Variants in GDA observed in about 807,000 individuals in gnomAD.
The protein encoded by GDA is guanine deaminase, also known as cytoplasmic PSD-95 interactor.
In GDA, 18 loss-of-function variants were observed where a neutral mutation model predicts 59.6. The observed-to-expected ratio is 0.30, with a 90% CI of 0.21 to 0.45. The LOEUF (loss-of-function observed/expected upper bound fraction) is 0.45. Among genes scored for constraint, GDA ranks in the 20% least tolerant of loss-of-function variants. The pLI is 1.00. For missense variants in GDA, 427 were observed against 552.3 expected (o/e 0.77, Z 2.27); for synonymous variants, 201 against 201.1 (o/e 1.00, Z 0.00).
chr9:72,181,516 G>A (rs898552397), intron 1 of GDA, among the ~76,000 whole-genome samples: 3 of 152,172 alleles, frequency 2.0e-5, no homozygotes, highest in African/African-American at 4.8e-5. Flanking sequence ...GTAGAGACGG[G>A]GTTTCACCAT....
chr9:72,121,115 C>T (rs1398787259), intron 1 of GDA, among the ~76,000 whole-genome samples: 2 of 152,124 alleles, frequency 1.3e-5, no homozygotes, highest in African/African-American at 4.8e-5. Flanking sequence ...GCATTTAGTT[C>T]GTACCAAACA....
intron 1 of GDA, among the ~76,000 whole-genome samples, chr9:72,167,196 T>G (rs749743726): frequency 6.6e-5 from 10 of 152,228 alleles, no homozygotes; most frequent in Non-Finnish European, 8.8e-5. Context: ...AACCAGATAT[T>G]GCATCCAGAC....
chr9:72,241,877 G>C (rs1839649837), intron 11 of GDA, among the ~76,000 whole-genome samples: 1 of 152,172 alleles, frequency 6.6e-6, no homozygotes, highest in Non-Finnish European at 1.5e-5. Flanking sequence ...GTGGGCAACA[G>C]AGTGAGACCT....
chr9:72,198,023 A>C (rs1221467534), intron 2 of GDA, among the ~76,000 whole-genome samples: 1 of 152,226 alleles, frequency 6.6e-6, no homozygotes, highest in Admixed American at 6.5e-5. Context: ...CCTCAGGCAC[A>C]AAATTTAAAA....
At chr9:72,185,390 G>A (rs992829380) in intron 1 of GDA, among the ~76,000 whole-genome samples, 3 of 152,164 alleles carry the variant, frequency 2.0e-5, no homozygotes, top group Non-Finnish European at 4.4e-5. Flanking sequence ...AGTCCCTCAT[G>A]CCTCATGCTA....
intron 3 of GDA, among the ~76,000 whole-genome samples, chr9:72,208,307 C>T (rs1250011031): frequency 6.6e-6 from 1 of 152,182 alleles, no homozygotes; most frequent in Non-Finnish European, 1.5e-5. Context: ...AAGCAACCTT[C>T]TCAAGGTCAC....
chr9:72,233,467 A>G (rs1838592604), intron 10 of GDA, among the ~76,000 whole-genome samples: 1 of 152,202 alleles, frequency 6.6e-6, no homozygotes, highest in Non-Finnish European at 1.5e-5. Context: ...GAAAACTGAA[A>G]AAAATCAGAT....
intron 1 of GDA, among the ~76,000 whole-genome samples, chr9:72,135,852 T>C (rs4434678): frequency 0.59 from 89,601 of 151,472 alleles, 27,012 homozygotes; most frequent in Middle Eastern, 0.65. Context: ...GTCAGGTGAT[T>C]GACCCTCCTT....
At chr9:72,208,991 G>A (rs2131411309) in intron 3 of GDA, among the ~76,000 whole-genome samples, 1 of 151,858 alleles carries the variant, frequency 6.6e-6, no homozygotes, top group East Asian at 1.9e-4. Context: ...TTTGGTTACA[G>A]AATGATATAT....
At chr9:72,188,198 G>A (rs75062056) in intron 1 of GDA, among the ~76,000 whole-genome samples, 1,619 of 152,310 alleles carry the variant, frequency 0.011, 38 homozygotes, top group African/African-American at 0.037. Flanking sequence ...ATTTACTGAC[G>A]AGATTAACAC....
intron 1 of GDA, among the ~76,000 whole-genome samples, chr9:72,122,554 G>A (rs567179049): frequency 1.3e-5 from 2 of 151,668 alleles, no homozygotes; most frequent in Non-Finnish European, 2.9e-5. Flanking sequence ...AACACACTAT[G>A]TACACAAGAT....
chr9:72,221,203 G>C (rs930473019), intron 6 of GDA, among the ~76,000 whole-genome samples: 1 of 152,134 alleles, frequency 6.6e-6, no homozygotes, highest in Non-Finnish European at 1.5e-5. Flanking sequence ...ACCTGGACAA[G>C]ATGTATTCCC....
chr9:72,171,834 C>T (rs1830013475), intron 1 of GDA, among the ~76,000 whole-genome samples: 1 of 152,138 alleles, frequency 6.6e-6, no homozygotes, highest in Non-Finnish European at 1.5e-5. Context: ...TGAATGCTTA[C>T]CCTGTGCCAA....
chr9:72,142,271 T>C (rs1304189194), intron 1 of GDA, among the ~76,000 whole-genome samples: 1 of 152,130 alleles, frequency 6.6e-6, no homozygotes, highest in Non-Finnish European at 1.5e-5. Context: ...AATGTAAAAC[T>C]TAAGGTATGT....
intron 2 of GDA, chr9:72,197,529 T>C (rs1231397768): frequency 1.3e-5 from 2 of 152,046 alleles, no homozygotes; most frequent in Non-Finnish European, 2.9e-5. Context: ...GTGGAAACGG[T>C]TGGAGGATGG....
chr9:72,197,927 C>T (rs1833400738), intron 2 of GDA, among the ~76,000 whole-genome samples: 1 of 152,024 alleles, frequency 6.6e-6, no homozygotes, highest in South Asian at 2.1e-4. Flanking sequence ...ATGGGCAGTG[C>T]TGTGGTAGGA....
intron 1 of GDA, among the ~76,000 whole-genome samples, chr9:72,162,756 C>T (rs1382135196): frequency 1.3e-5 from 2 of 151,796 alleles, no homozygotes; most frequent in Admixed American, 6.6e-5. Flanking sequence ...CTCCCGGGTT[C>T]ACGCCATTCT....
At chr9:72,164,945 C>T (rs1829102580) in intron 1 of GDA, among the ~76,000 whole-genome samples, 1 of 146,964 alleles carries the variant, frequency 6.8e-6, no homozygotes, top group Non-Finnish European at 1.5e-5. Context: ...AGCCAAGATC[C>T]AGCCACTGCA....
At chr9:72,165,271 A>G (rs1170865221) in intron 1 of GDA, among the ~76,000 whole-genome samples, 3 of 152,232 alleles carry the variant, frequency 2.0e-5, no homozygotes, top group African/African-American at 7.2e-5. Flanking sequence ...TGGCAAATAT[A>G]TGTGTCAGAG....
Sources: gnomAD v4.1 joint callset for allele counts (sites outside exome capture counted in the v4.1 genomes callset) on GRCh38, gnomAD v4.1.1 for gene constraint, MANE v1.5 for transcripts, NCBI Gene and HGNC (gene_info 2026-07-23, HGNC 2026-07-21) for gene names.